ARHGAP15: variants seen among roughly 807,000 people sequenced by gnomAD.
ARHGAP15 encodes Rho GTPase activating protein 15.
Under a neutral mutation model 63.7 loss-of-function variants are expected in ARHGAP15, and 51 were observed. That is an observed-to-expected ratio of 0.80 (90% CI 0.64 to 1.01). The LOEUF is 1.01. Among genes scored for constraint, ARHGAP15 ranks in the 50% least tolerant of loss-of-function variants. The pLI is 0.00. For synonymous variants in ARHGAP15, 191 were observed against 193.8 expected, an observed-to-expected ratio of 0.99 and a Z score of 0.12; for missense variants, 560 against 564.6, an observed-to-expected ratio of 0.99 and a Z score of 0.08.
At chr2:143,573,074 T>C (rs1270114302) in intron 11 of ARHGAP15, among the ~76,000 whole-genome samples, 2 of 152,168 alleles carry the variant, frequency 1.3e-5, no homozygotes, top group Non-Finnish European at 2.9e-5. Flanking sequence ...GGATGAGAAA[T>C]GGAAATGCTA....
At chr2:143,746,170 C>T (rs1260101595) in intron 13 of ARHGAP15, among the ~76,000 whole-genome samples, 2 of 152,124 alleles carry the variant, frequency 1.3e-5, no homozygotes, top group Admixed American at 6.6e-5. Context: ...CTTTTCAACA[C>T]GAACCTCATG....
intron 12 of ARHGAP15, among the ~76,000 whole-genome samples, chr2:143,648,095 G>A (rs562649452): frequency 6.6e-6 from 1 of 151,976 alleles, no homozygotes; most frequent in African/African-American, 2.4e-5. Flanking sequence ...CTTAACCCTG[G>A]GCAAGGTTGA....
chr2:143,563,562 T>G (rs1386966105), intron 11 of ARHGAP15, among the ~76,000 whole-genome samples: 1 of 152,130 alleles, frequency 6.6e-6, no homozygotes, highest in Non-Finnish European at 1.5e-5. Flanking sequence ...GGGAGCGAAG[T>G]CTACTGAAAT....
At chr2:143,501,406 G>A (rs1693048363) in intron 9 of ARHGAP15, among the ~76,000 whole-genome samples, 1 of 152,142 alleles carries the variant, frequency 6.6e-6, no homozygotes, top group Admixed American at 6.5e-5. Context: ...GAATTTGACA[G>A]GACCTCACTC....
intron 13 of ARHGAP15, among the ~76,000 whole-genome samples, chr2:143,738,290 C>T (rs879835291): frequency 2.6e-5 from 4 of 152,048 alleles, no homozygotes; most frequent in Non-Finnish European, 5.9e-5. Flanking sequence ...AATAAGCTAT[C>T]ATATAGAACT....
At chr2:143,689,190 G>A (rs902675800) in intron 12 of ARHGAP15, among the ~76,000 whole-genome samples, 9 of 152,070 alleles carry the variant, frequency 5.9e-5, no homozygotes, top group African/African-American at 2.2e-4. Flanking sequence ...TTTTTCTGGA[G>A]TAACAATTTG....
At chr2:143,580,541 T>G (rs1696857368) in intron 11 of ARHGAP15, among the ~76,000 whole-genome samples, 1 of 152,252 alleles carries the variant, frequency 6.6e-6, no homozygotes, top group South Asian at 2.1e-4. Context: ...GCTTAGCCCA[T>G]TTTTCAAAAC....
chr2:143,322,741 G>A (rs577819101), intron 6 of ARHGAP15, among the ~76,000 whole-genome samples: 10 of 152,258 alleles, frequency 6.6e-5, no homozygotes, highest in Admixed American at 3.3e-4. Flanking sequence ...TTTACTTCCC[G>A]TCTGAGTTGC....
At chr2:143,563,092 C>A (rs1158647866) in intron 11 of ARHGAP15, among the ~76,000 whole-genome samples, 1 of 152,166 alleles carries the variant, frequency 6.6e-6, no homozygotes, top group Admixed American at 6.5e-5. Flanking sequence ...AAGGATCGAC[C>A]TCTTTATCTT....
intron 13 of ARHGAP15, among the ~76,000 whole-genome samples, chr2:143,728,578 T>C (rs1426623918): frequency 6.6e-6 from 1 of 152,242 alleles, no homozygotes; most frequent in Non-Finnish European, 1.5e-5. Context: ...TCTTCTAGTA[T>C]GATTTTTCAG....
chr2:143,594,045 GGTAA>G (rs1356497219), intron 11 of ARHGAP15, among the ~76,000 whole-genome samples: 2 of 152,092 alleles, frequency 1.3e-5, no homozygotes, highest in East Asian at 1.9e-4. Flanking sequence ...GAAGTCACAA[GGTAA>G]GTGTTAAAAT....
At chr2:143,629,302 T>C (rs1698970751) in intron 12 of ARHGAP15, among the ~76,000 whole-genome samples, 1 of 152,068 alleles carries the variant, frequency 6.6e-6, no homozygotes, top group Admixed American at 6.6e-5. Context: ...TATCTCAGAA[T>C]CCAAGTACAG....
intron 10 of ARHGAP15, among the ~76,000 whole-genome samples, chr2:143,536,608 A>G (rs921871048): frequency 1.9e-4 from 28 of 147,744 alleles, no homozygotes; most frequent in Non-Finnish European, 3.3e-4. Flanking sequence ...CCACCTATGA[A>G]CGAGAACATG....
chr2:143,464,115 A>G (rs1050128485), intron 8 of ARHGAP15, among the ~76,000 whole-genome samples: 1 of 152,206 alleles, frequency 6.6e-6, no homozygotes, highest in East Asian at 1.9e-4. Context: ...GCATGTCTAT[A>G]AATTTAATTA....
intron 4 of ARHGAP15, among the ~76,000 whole-genome samples, chr2:143,226,100 C>A (rs1180159163): frequency 6.6e-6 from 1 of 152,170 alleles, no homozygotes; most frequent in Non-Finnish European, 1.5e-5. Flanking sequence ...GGTTTTGAGA[C>A]CTGCAGTTCT....
intron 6 of ARHGAP15, among the ~76,000 whole-genome samples, chr2:143,419,987 G>A (rs1004121112): frequency 1.3e-5 from 2 of 152,018 alleles, no homozygotes; most frequent in African/African-American, 4.8e-5. Context: ...GACCTTAGAC[G>A]GCAGGTTTAG....
intron 13 of ARHGAP15, among the ~76,000 whole-genome samples, chr2:143,758,902 G>A (rs960458592): frequency 2.6e-5 from 4 of 152,086 alleles, no homozygotes; most frequent in African/African-American, 4.8e-5. Context: ...CCAGCAACCT[G>A]CCTTTTAATA....
chr2:143,694,032 A>AACTT (rs1170097670), intron 12 of ARHGAP15, among the ~76,000 whole-genome samples: 2 of 152,234 alleles, frequency 1.3e-5, no homozygotes, highest in African/African-American at 4.8e-5. Flanking sequence ...ACAGTCTTTC[A>AACTT]ACTTCAATTT....
intron 6 of ARHGAP15, among the ~76,000 whole-genome samples, chr2:143,383,822 G>A (rs941675620): frequency 6.6e-6 from 1 of 152,148 alleles, no homozygotes; most frequent in African/African-American, 2.4e-5. Flanking sequence ...GTGTTACGCA[G>A]TGAAATACTA....
Sources: gnomAD v4.1 joint callset for allele counts (sites outside exome capture counted in the v4.1 genomes callset) on GRCh38, gnomAD v4.1.1 for gene constraint, MANE v1.5 for transcripts, NCBI Gene and HGNC (gene_info 2026-07-23, HGNC 2026-07-21) for gene names.